The following SPAM1 variants were observed in gnomAD, a reference collection of about 807,000 sequenced individuals.
SPAM1 encodes sperm adhesion molecule 1, also known as hyaluronidase PH-20.
Under a neutral mutation model 29.6 loss-of-function variants are expected in SPAM1, and 22 were observed. The observed-to-expected ratio is 0.74, with a 90% CI of 0.53 to 1.06. SPAM1 has a LOEUF of 1.06. Among genes scored for constraint, SPAM1 ranks in the 50% least tolerant of loss-of-function variants. SPAM1 has a pLI of 0.00. For missense variants in SPAM1, 534 were observed against 604.0 expected (o/e 0.88, Z 1.21); for synonymous variants, 194 against 204.6 (o/e 0.95, Z 0.44).
At chr7:123,962,772 A>G (rs183834781), downstream of SPAM1, among the ~76,000 whole-genome samples, 11 of 152,038 alleles carry the variant, frequency 7.2e-5, no homozygotes, top group East Asian at 1.4e-3. Context: ...TCTTCCTTCT[A>G]CAAGTGGCAA....
At chr7:123,927,042 TAG>T (rs1807908876) in intron 1 of SPAM1, among the ~76,000 whole-genome samples, 1 of 152,112 alleles carries the variant, frequency 6.6e-6, no homozygotes, top group Admixed American at 6.5e-5. Context: ...GGCAAGGAAA[TAG>T]ATCTTGGGGT....
At chr7:123,955,565 A>T (rs1278608416) in intron 4 of SPAM1, among the ~76,000 whole-genome samples, 2 of 151,994 alleles carry the variant, frequency 1.3e-5, no homozygotes, top group Non-Finnish European at 2.9e-5. Flanking sequence ...TGCCATGAAG[A>T]ATGCCAGATG....
At chr7:123,969,887 T>C (rs182613207) in intron 5 of SPAM1, among the ~76,000 whole-genome samples, 4 of 152,148 alleles carry the variant, frequency 2.6e-5, no homozygotes, top group African/African-American at 4.8e-5. Context: ...TTGTTTTGGA[T>C]AGTATATCTA....
chr7:123,959,422 T>C (rs1792316207), intron 4 of SPAM1, 62 bp from the exon 5 acceptor site: 5 of 1,230,106 alleles, frequency 4.1e-6, no homozygotes, highest in Non-Finnish European at 5.7e-6. Flanking sequence ...ATACACTAAA[T>C]TAATTCGCAT....
intron 5 of SPAM1, among the ~76,000 whole-genome samples, chr7:123,966,299 G>T (rs369819411): frequency 6.6e-6 from 1 of 152,028 alleles, no homozygotes; most frequent in Non-Finnish European, 1.5e-5. Context: ...CAGAGAAAAA[G>T]GAACATGTTT....
chr7:123,943,872 AC>A (rs1808498376), intron 1 of SPAM1, among the ~76,000 whole-genome samples: 1 of 152,182 alleles, frequency 6.6e-6, no homozygotes, highest in African/African-American at 2.4e-5. Flanking sequence ...CTTAATAAAG[AC>A]AGAATGAAGT....
chr7:123,960,593 C>T (rs1259673936), downstream of SPAM1, among the ~76,000 whole-genome samples: 2 of 151,954 alleles, frequency 1.3e-5, no homozygotes, highest in Non-Finnish European at 2.9e-5. Context: ...ACCTTCGACT[C>T]TCTTTTAAAG....
At chr7:123,961,917 G>C (rs1792364631), downstream of SPAM1, among the ~76,000 whole-genome samples, 1 of 151,882 alleles carries the variant, frequency 6.6e-6, no homozygotes, top group African/African-American at 2.4e-5. Flanking sequence ...CAGGTCTTGA[G>C]AGACTTATTC....
At chr7:123,949,649 C>G (rs1808697754) in intron 1 of SPAM1, among the ~76,000 whole-genome samples, 1 of 151,744 alleles carries the variant, frequency 6.6e-6, no homozygotes. Context: ...GAATACTACA[C>G]ATGTGAATAT....
chr7:123,939,085 CTT>C (rs67180090), intron 1 of SPAM1, among the ~76,000 whole-genome samples: 192 of 123,724 alleles, frequency 1.6e-3, no homozygotes, highest in Middle Eastern at 4.3e-3. Context: ...ATCTTCAAGT[CTT>C]TTTTTTTTTT....
At chr7:123,927,420 A>AGG (rs1447378520) in intron 1 of SPAM1, among the ~76,000 whole-genome samples, 1 of 152,186 alleles carries the variant, frequency 6.6e-6, no homozygotes, top group African/African-American at 2.4e-5. Context: ...CATCGGAAGG[A>AGG]GGGCATCTAT....
chr7:123,962,448 C>A (rs12667308), downstream of SPAM1, among the ~76,000 whole-genome samples: 1 of 151,608 alleles, frequency 6.6e-6, no homozygotes, highest in Non-Finnish European at 1.5e-5. Flanking sequence ...TATTTTCTCC[C>A]ATTCTACAGA....
At chr7:123,935,032 A>G (rs1808209770) in intron 1 of SPAM1, among the ~76,000 whole-genome samples, 1 of 152,216 alleles carries the variant, frequency 6.6e-6, no homozygotes, top group Non-Finnish European at 1.5e-5. Flanking sequence ...GATGACAGAT[A>G]TGCTAATTAC....
At chr7:123,965,123 GC>G in intron 5 of SPAM1, among the ~76,000 whole-genome samples, 1 of 152,094 alleles carries the variant, frequency 6.6e-6, no homozygotes, top group Non-Finnish European at 1.5e-5. Flanking sequence ...GGGTCAGACA[GC>G]TAATAAGTCC....
At chr7:123,930,766 G>A (rs768895219) in intron 1 of SPAM1, among the ~76,000 whole-genome samples, 7 of 152,162 alleles carry the variant, frequency 4.6e-5, no homozygotes, top group Admixed American at 1.3e-4. Flanking sequence ...TGGTCTGGTC[G>A]TGGAGAACTG....
At chr7:123,950,881 A>C (rs967509775) in intron 2 of SPAM1, among the ~76,000 whole-genome samples, 21 of 152,080 alleles carry the variant, frequency 1.4e-4, no homozygotes, top group African/African-American at 4.3e-4. Context: ...TTTCCACCAG[A>C]AGTGTATAAG....
downstream of SPAM1, among the ~76,000 whole-genome samples, chr7:123,962,857 T>C (rs1252402779): frequency 6.6e-6 from 1 of 151,894 alleles, no homozygotes; most frequent in African/African-American, 2.4e-5. Context: ...TGTGTATATA[T>C]ACACAAATAA....
rs77338213 is a variant in SPAM1 at position 123,967,283 on chromosome 7, A to G, written c.1486-2915A>G. 4.0e-3 allele frequency among the ~76,000 whole-genome samples: 616 copies of G among 152,220 alleles called. 6 individuals carry two copies. The highest frequency in any genetic ancestry group is 0.014 in the African/African-American group (564 of 41,578). ...AAGGAAATCAGTCAGCTTATATTTCAGATAAATCTGGTATTACAATGCTAA... is the reference window on the plus strand; with the variant it reads ...AAGGAAATCAGTCAGCTTATATTTCGGATAAATCTGGTATTACAATGCTAA... On this transcript the variant is annotated intron_variant, in intron 5 of 6. Coordinates refer to the SPAM1 transcript ENST00000340011.
chr7:123,956,192 C>T (rs570660864), intron 4 of SPAM1, among the ~76,000 whole-genome samples: 9 of 152,048 alleles, frequency 5.9e-5, no homozygotes, highest in African/African-American at 2.2e-4. Context: ...AAATCATCTT[C>T]AGTATTATCC....
Sources: allele counts gnomAD v4.1 joint callset (sites outside exome capture counted in the v4.1 genomes callset), GRCh38; gene constraint gnomAD v4.1.1; transcripts MANE v1.5; gene names NCBI Gene and HGNC (gene_info 2026-07-23, HGNC 2026-07-21).